The following MMAA variants were observed in gnomAD, a reference collection of about 807,000 sequenced individuals.
MMAA encodes the protein methylmalonic aciduria type A protein, mitochondrial.
A neutral mutation model predicts 45.0 loss-of-function variants in MMAA; 41 were observed. That is an observed-to-expected ratio of 0.91 (90% confidence interval 0.71 to 1.18). The LOEUF (loss-of-function observed/expected upper bound fraction) is 1.18, where lower values mean the gene tolerates loss of function less well. MMAA is among the 50% of genes most tolerant of loss of function. The pLI is 0.00. For missense variants in MMAA, 460 were observed against 495.7 expected (o/e 0.93, Z 0.68); for synonymous variants, 154 against 178.2 (o/e 0.86, Z 1.08).
At chr4:145,650,016 T>G (rs1728046701) in intron 4 of MMAA, among the ~76,000 whole-genome samples, 1 of 152,206 alleles carries the variant, frequency 6.6e-6, no homozygotes, top group African/African-American at 2.4e-5. Context: ...TGGGGTGAGA[T>G]GAACATGAAG....
intron 1 of MMAA, among the ~76,000 whole-genome samples, chr4:145,629,058 T>A (rs1475262685): frequency 1.3e-5 from 2 of 152,236 alleles, no homozygotes; most frequent in Non-Finnish European, 2.9e-5. Flanking sequence ...TCAGCATCAA[T>A]TGAAATGCTC....
Position 145,658,115 on chromosome 4 carries a change from C to T in MMAA, c.*2681C>T, listed in dbSNP as rs1728283361. Reference sequence around the variant, plus strand: ...ATGCCTGCTCCCCTTTCACCTTCTGCCATGATTGTAAGCTTCCTGAGGCCT... The same window carrying T: ...ATGCCTGCTCCCCTTTCACCTTCTGTCATGATTGTAAGCTTCCTGAGGCCT... On this transcript the variant is annotated 3_prime_UTR_variant, in exon 7 of 7. Coordinates refer to ENST00000649156, the MANE Select transcript of MMAA (RefSeq NM_172250.3). The T allele has an allele frequency of 6.5e-6, 1 of 153,508 alleles. No individual in the cohort carries two copies. Among genetic ancestry groups the T allele is most frequent in the Non-Finnish European group, 1.4e-5 (1 of 69,004 alleles). 9.5% of individuals were successfully genotyped at this position (153,508 alleles called of 1,614,324 possible).
chr4:145,628,865 A>G (rs1354426143), intron 1 of MMAA, among the ~76,000 whole-genome samples: 5 of 152,096 alleles, frequency 3.3e-5, no homozygotes, highest in African/African-American at 9.7e-5. Context: ...ATACACATCA[A>G]TATATATATA....
rs140592995 is a variant in MMAA, at chr4:145,619,443, G to C, written c.-66+36G>C. ...GGAGTGCGCGCGGCGTCCAGGAGTC[G>C]GGACTGGGCTCCCGCCTACGGCCGC... On this transcript the variant is annotated intron_variant, in intron 1 of 6. Transcript: ENST00000649156. 1,115 of 152,336 alleles carry C rather than the reference G, an allele frequency of 7.3e-3. 12 individuals are homozygous for C. Among genetic ancestry groups the C allele is most frequent in the Non-Finnish European group, 0.01 (699 of 68,060 alleles). The allele number at this position is 152,336 out of a possible 1,614,324, so 9.4% of individuals were successfully genotyped here.
intron 2 of MMAA, 74 bp from the exon 3 acceptor site, chr4:145,642,289 T>C: frequency 1.3e-6 from 2 of 1,521,172 alleles, no homozygotes; most frequent in Non-Finnish European, 1.8e-6. Flanking sequence ...TAGTCTAATA[T>C]TTTACTCAGT....
rs1460913230 is a variant in MMAA, at chr4:145,642,428, G to A, written c.505G>A (p.Glu169Lys). The A allele has an allele frequency of 6.2e-7, 1 of 1,614,150 alleles. No individual in the cohort carries two copies. Among genetic ancestry groups the A allele is most frequent in the Non-Finnish European group, 8.5e-7 (1 of 1,180,000 alleles). ...FIEYFGKMLTERGHKLSVLAV... is the reference protein window; with the variant it reads ...FIEYFGKMLTKRGHKLSVLAV... ...AGAATATTTTGGAAAAATGCTTACTGAGAGAGGGCACAAATTATCTGTGCT... is the reference window on the plus strand; with the variant it reads ...AGAATATTTTGGAAAAATGCTTACTAAGAGAGGGCACAAATTATCTGTGCT... The change falls in exon 3 of 7, where the codon GAG (glutamate) becomes AAG (lysine). Residue 169 changes from glutamate (E) to lysine (K), a missense_variant. Coordinates refer to ENST00000649156, the MANE Select transcript of MMAA (RefSeq NM_172250.3).
At chr4:145,638,407 A>C (rs1727683420) in intron 1 of MMAA, among the ~76,000 whole-genome samples, 1 of 152,218 alleles carries the variant, frequency 6.6e-6, no homozygotes, top group Non-Finnish European at 1.5e-5. Context: ...TAGTGGTTCA[A>C]ACTTTAGTGT....
intron 4 of MMAA, 47 bp downstream of exon 4, chr4:145,646,203 C>T (rs762728569): frequency 1.2e-6 from 2 of 1,604,434 alleles, no homozygotes; most frequent in South Asian, 1.1e-5. Flanking sequence ...TTTATGAATG[C>T]TATATAAAGA....
chr4:145,631,836 CTATCT>C (rs1363390327), intron 1 of MMAA, among the ~76,000 whole-genome samples: 2 of 152,056 alleles, frequency 1.3e-5, no homozygotes, highest in African/African-American at 4.8e-5. Context: ...GTAAGACTTG[CTATCT>C]TATCTTACTA....
At chr4:145,654,719 A>G (rs1373952793) in intron 6 of MMAA, among the ~76,000 whole-genome samples, 2 of 152,144 alleles carry the variant, frequency 1.3e-5, no homozygotes, top group African/African-American at 4.8e-5. Flanking sequence ...GATGTCAGAT[A>G]CCCAGCTCTT....
intron 3 of MMAA, 127 bp from the exon 4 acceptor site, chr4:145,645,859 G>A: frequency 1.2e-6 from 1 of 809,986 alleles, no homozygotes; most frequent in Admixed American, 2.1e-5. Flanking sequence ...TTGGAGAGAA[G>A]CTCAGTAATA....
chr4:145,630,560 C>A (rs1042154038), intron 1 of MMAA, among the ~76,000 whole-genome samples: 2 of 152,148 alleles, frequency 1.3e-5, no homozygotes, highest in Non-Finnish European at 2.9e-5. Flanking sequence ...GAAACCCCAT[C>A]TCTACTAAAA....
intron 5 of MMAA, 108 bp from the exon 6 acceptor site, chr4:145,653,883 TAGG>T: frequency 2.6e-6 from 3 of 1,150,730 alleles, no homozygotes; most frequent in Non-Finnish European, 3.9e-6. Context: ...ATCCAGGGCT[TAGG>T]AGGATATGGA....
intron 1 of MMAA, among the ~76,000 whole-genome samples, chr4:145,629,496 G>A (rs1201567943): frequency 1.3e-5 from 2 of 151,822 alleles, no homozygotes; most frequent in Non-Finnish European, 2.9e-5. Context: ...CATTCTATAA[G>A]GCCAGTATTA....
chr4:145,619,579 G>T (rs1216305807), intron 1 of MMAA, among the ~76,000 whole-genome samples, 172 bp downstream of exon 1: 1 of 152,188 alleles, frequency 6.6e-6, no homozygotes, highest in Admixed American at 6.5e-5. Context: ...GATGTTCGGG[G>T]TGCGGATATG....
intron 4 of MMAA, among the ~76,000 whole-genome samples, chr4:145,649,210 A>C (rs907634982): frequency 3.3e-5 from 5 of 152,082 alleles, no homozygotes; most frequent in African/African-American, 1.2e-4. Flanking sequence ...AGGTGAAAGA[A>C]TGGCTTGAGC....
At chr4:145,647,200 C>G (rs1407585508) in intron 4 of MMAA, among the ~76,000 whole-genome samples, 2 of 151,932 alleles carry the variant, frequency 1.3e-5, no homozygotes, top group East Asian at 3.9e-4. Context: ...AGGATTTTAT[C>G]CATGATAAGA....
intron 1 of MMAA, among the ~76,000 whole-genome samples, chr4:145,635,355 G>A (rs1727583314): frequency 6.6e-6 from 1 of 152,176 alleles, no homozygotes; most frequent in Non-Finnish European, 1.5e-5. Context: ...TGCTATAACA[G>A]GGCGGCACTG....
At chr4:145,639,851 A>G (rs1410402282) in intron 2 of MMAA, 1 of 982,448 alleles carries the variant, frequency 1.0e-6, no homozygotes, top group African/African-American at 1.8e-5. Context: ...AGAAATATTC[A>G]TAGGAAGAAC....
Sources: gnomAD v4.1 joint callset for allele counts (sites outside exome capture counted in the v4.1 genomes callset) on GRCh38, gnomAD v4.1.1 for gene constraint, MANE v1.5 for transcripts, NCBI Gene and HGNC (gene_info 2026-07-23, HGNC 2026-07-21) for gene names.